The following PLEKHA7 variants were observed in gnomAD, a reference collection of about 807,000 sequenced individuals.
PLEKHA7 encodes pleckstrin homology domain-containing family A member 7.
In PLEKHA7, 104 loss-of-function variants were observed where a neutral mutation model predicts 170.0. That is an observed-to-expected ratio of 0.61 (90% CI 0.52 to 0.72). The LOEUF is 0.72. Ranked by LOEUF, PLEKHA7 falls within the 30% of genes least tolerant of loss-of-function variation. The pLI is 0.00. For synonymous variants in PLEKHA7, 648 were observed against 660.8 expected, an observed-to-expected ratio of 0.98 and a Z score of 0.30; for missense variants, 1,615 against 1,671.7, an observed-to-expected ratio of 0.97 and a Z score of 0.59.
At chr11:16,795,359 T>C in intron 17 of PLEKHA7, 1 of 263,240 alleles carries the variant, frequency 3.8e-6, no homozygotes, top group Non-Finnish European at 7.3e-6. Flanking sequence ...ACAACAGTGG[T>C]TGCTGGGGGC....
At chr11:16,818,145 CGGAAAAA>C (rs1849916752) in intron 10 of PLEKHA7, among the ~76,000 whole-genome samples, 1 of 152,148 alleles carries the variant, frequency 6.6e-6, no homozygotes, top group Non-Finnish European at 1.5e-5. Flanking sequence ...CATCTTGCAA[CGGAAAAA>C]GGAAAAAGGA....
At chr11:16,853,182 C>A (rs897274212) in intron 6 of PLEKHA7, among the ~76,000 whole-genome samples, 3 of 151,322 alleles carry the variant, frequency 2.0e-5, no homozygotes, top group Non-Finnish European at 4.4e-5. Flanking sequence ...CCCAGCTGTA[C>A]AAAAAAAAAT....
Position 16,791,610 on chromosome 11 carries a change from T to G in PLEKHA7, c.2746-411A>C. On this transcript the variant is annotated intron_variant, in intron 19 of 26. Transcript: ENST00000531066. The surrounding 1 kb of genome is among the most constrained non-coding windows in gnomAD (Gnocchi z 4.5). ...TACCTGGAGAGTAACATCTACCCAC[T>G]CAGCAGTGCTCAGCCTGAGCCGGCT... The G allele has an allele frequency of 4.3e-6, 2 of 462,982 alleles. No individual in the cohort carries two copies. Among genetic ancestry groups the G allele is most frequent in the Non-Finnish European group, 8.6e-6 (2 of 231,626 alleles). 28.7% of individuals were successfully genotyped at this position (462,982 alleles called of 1,614,324 possible).
At chr11:16,907,169 T>TAGCCCCCCGCCCGGCC (rs1857831076) in intron 3 of PLEKHA7, among the ~76,000 whole-genome samples, 2 of 75,006 alleles carry the variant, frequency 2.7e-5, no homozygotes, top group Non-Finnish European at 4.8e-5. Context: ...GTGGGGGGGT[T>TAGCCCCCCGCCCGGCC]AGCCCCCCGC....
intron 3 of PLEKHA7, among the ~76,000 whole-genome samples, chr11:16,982,871 T>A (rs2136870813): frequency 1.3e-5 from 2 of 151,338 alleles, no homozygotes; most frequent in South Asian, 4.2e-4. Context: ...ACTCCAGAGA[T>A]ACTGAACTAT....
At chr11:16,856,418 G>A in intron 4 of PLEKHA7, among the ~76,000 whole-genome samples, 1 of 152,178 alleles carries the variant, frequency 6.6e-6, no homozygotes, top group East Asian at 1.9e-4. Context: ...TGCCAGTGGG[G>A]CTTGTCTCCC....
At chr11:16,801,454 G>C (rs1332195543) in intron 16 of PLEKHA7, among the ~76,000 whole-genome samples, 1 of 152,194 alleles carries the variant, frequency 6.6e-6, no homozygotes, top group African/African-American at 2.4e-5. Context: ...TTCAAGAGTC[G>C]CTGTGGTAAG....
chr11:16,863,380 A>G (rs1469631737), intron 4 of PLEKHA7, among the ~76,000 whole-genome samples: 1 of 152,298 alleles, frequency 6.6e-6, no homozygotes, highest in East Asian at 1.9e-4. Flanking sequence ...AATGGAAACA[A>G]CAAGCTAAAC....
At chr11:16,850,677 A>C (rs1852858736) in intron 8 of PLEKHA7, among the ~76,000 whole-genome samples, 1 of 152,254 alleles carries the variant, frequency 6.6e-6, no homozygotes, top group Admixed American at 6.5e-5. Flanking sequence ...TTTTACTGGT[A>C]AAGGGATCTG....
intron 3 of PLEKHA7, among the ~76,000 whole-genome samples, chr11:16,914,528 C>G (rs770334889): frequency 3.4e-4 from 51 of 152,170 alleles, no homozygotes; most frequent in Non-Finnish European, 4.7e-4. Flanking sequence ...AGGGTCTTCC[C>G]CCTCAATAAT....
intron 3 of PLEKHA7, among the ~76,000 whole-genome samples, chr11:16,980,775 T>A (rs1340170602): frequency 1.3e-5 from 2 of 151,880 alleles, no homozygotes; most frequent in African/African-American, 2.4e-5. Context: ...TACAAAAAAA[T>A]TAGCAGGAGG....
chr11:16,934,927 T>A (rs943967477), intron 3 of PLEKHA7, among the ~76,000 whole-genome samples: 1 of 152,258 alleles, frequency 6.6e-6, no homozygotes, highest in East Asian at 1.9e-4. Flanking sequence ...GTATTTTTCA[T>A]ACTTTTCTGT....
At chr11:16,886,348 C>T (rs1856100341) in intron 3 of PLEKHA7, among the ~76,000 whole-genome samples, 1 of 152,184 alleles carries the variant, frequency 6.6e-6, no homozygotes, top group Non-Finnish European at 1.5e-5. Context: ...CTCCAGAAAG[C>T]AACTGCAAAA....
At chr11:16,881,631 C>T (rs435206) in intron 3 of PLEKHA7, 72 of 152,182 alleles carry the variant, frequency 4.7e-4, no homozygotes, top group African/African-American at 1.7e-3. Flanking sequence ...TCTTTGAGAC[C>T]GTGGGGTTGG....
At chr11:16,960,679 T>C (rs928274017) in intron 3 of PLEKHA7, among the ~76,000 whole-genome samples, 6 of 152,088 alleles carry the variant, frequency 3.9e-5, no homozygotes, top group Admixed American at 1.3e-4. Context: ...CCCAAGGTGA[T>C]ACTCAACCCC....
chr11:16,922,857 CCT>C (rs1182723381), intron 3 of PLEKHA7, among the ~76,000 whole-genome samples: 1 of 152,146 alleles, frequency 6.6e-6, no homozygotes, highest in Non-Finnish European at 1.5e-5. Flanking sequence ...GCCCCTTTCC[CCT>C]GAGAGCAAGG....
intron 8 of PLEKHA7, 48 bp downstream of exon 8, chr11:16,851,143 C>A: frequency 7.1e-7 from 1 of 1,417,710 alleles, no homozygotes. Flanking sequence ...ATTTTGAGAA[C>A]ACAGTTTCTT....
At chr11:16,921,092 C>G (rs556319418) in intron 3 of PLEKHA7, among the ~76,000 whole-genome samples, 1 of 152,166 alleles carries the variant, frequency 6.6e-6, no homozygotes, top group Non-Finnish European at 1.5e-5. Flanking sequence ...TTTCGCAGGG[C>G]GTTTTTTTGT....
chr11:16,908,853 C>T (rs149240126), intron 3 of PLEKHA7, among the ~76,000 whole-genome samples: 1 of 152,258 alleles, frequency 6.6e-6, no homozygotes, highest in Non-Finnish European at 1.5e-5. Context: ...GTAACGCCAG[C>T]CCTAGCAGAC....
Sources: allele counts gnomAD v4.1 joint callset (sites outside exome capture counted in the v4.1 genomes callset), GRCh38; gene constraint gnomAD v4.1.1; non-coding constraint Gnocchi (gnomAD v3.1); transcripts MANE v1.5; gene names NCBI Gene and HGNC (gene_info 2026-07-23, HGNC 2026-07-21).